The following PKNOX2 variants were observed in gnomAD, a reference collection of about 807,000 sequenced individuals.
PKNOX2 encodes homeobox protein PKNOX2.
In PKNOX2, 14 loss-of-function variants were observed where a neutral mutation model predicts 53.1. That is an observed-to-expected ratio of 0.26 (90% CI 0.17 to 0.41). PKNOX2 has a LOEUF of 0.41. Among genes scored for constraint, PKNOX2 ranks in the 10% least tolerant of loss-of-function variants. PKNOX2 has a pLI of 1.00. For missense variants in PKNOX2, 496 were observed against 602.8 expected, an observed-to-expected ratio of 0.82 and a Z score of 1.85; for synonymous variants, 257 against 242.8, an observed-to-expected ratio of 1.06 and a Z score of -0.54.
intron 2 of PKNOX2, among the ~76,000 whole-genome samples, chr11:125,243,643 G>T (rs1268551185): frequency 6.9e-6 from 1 of 144,934 alleles, no homozygotes; most frequent in Non-Finnish European, 1.5e-5. Context: ...TTTTTTTTGA[G>T]ATAGGGTCTC....
chr11:125,367,050 T>G (rs2136274080), intron 4 of PKNOX2, among the ~76,000 whole-genome samples: 1 of 152,276 alleles, frequency 6.6e-6, no homozygotes, highest in Non-Finnish European at 1.5e-5. Flanking sequence ...ATTCACACTT[T>G]TAGAGATTTC....
intron 1 of PKNOX2, among the ~76,000 whole-genome samples, chr11:125,180,433 T>A (rs1591471331): frequency 6.6e-6 from 1 of 152,196 alleles, no homozygotes; most frequent in African/African-American, 2.4e-5. Context: ...ATGTGTCAGG[T>A]TCATTCAAAG....
rs1956622791 is a variant in PKNOX2 at position 125,430,065 on chromosome 11, C to T, written c.1116C>T (p.Thr372=). The change falls in exon 12 of 13, where the codon ACC becomes ACT. Residue 372 remains threonine (T), a synonymous_variant. Coordinates refer to ENST00000298282, the MANE Select transcript of PKNOX2 (RefSeq NM_001382323.2). ...AGATCAAGTCTCAGCACCGGCCCAC[C>T]CAAAGATTCTGGCCCAACTCCATCG... ...AKKIKSQHRP[T]QRFWPNSIAA... The T allele has an allele frequency of 6.2e-7, 1 of 1,614,178 alleles. No homozygotes were observed. The highest frequency in any genetic ancestry group is 8.5e-7 in the Non-Finnish European group (1 of 1,180,034).
At chr11:125,316,434 A>G (rs1418565892) in intron 2 of PKNOX2, among the ~76,000 whole-genome samples, 1 of 152,224 alleles carries the variant, frequency 6.6e-6, no homozygotes, top group African/African-American at 2.4e-5. Flanking sequence ...GCATCGAGAA[A>G]TGATCAGAGG....
chr11:125,324,553 A>G lies in PKNOX2; in HGVS notation c.-129-7266A>G, dbSNP rs142830902. The stretch of plus-strand genomic sequence containing the variant: ...AGTGGGGTGGCAGAGTAGTACCCAG[A>G]CGATCACAATGTGGCTGGCTAAGTG... On this transcript the variant is annotated intron_variant, in intron 2 of 12. Transcript: ENST00000298282. 2.7e-3 allele frequency among the ~76,000 whole-genome samples: 407 copies of G among 152,282 alleles called. 4 individuals carry two copies. Among genetic ancestry groups the G allele is most frequent in the African/African-American group, 9.5e-3 (394 of 41,546 alleles).
At chr11:125,271,118 A>T (rs1040167212) in intron 2 of PKNOX2, among the ~76,000 whole-genome samples, 6 of 152,014 alleles carry the variant, frequency 3.9e-5, no homozygotes, top group African/African-American at 1.4e-4. Context: ...GAATGATTTC[A>T]CAGTTCCCTG....
intron 10 of PKNOX2, among the ~76,000 whole-genome samples, chr11:125,427,672 G>A (rs560966196): frequency 5.3e-4 from 81 of 152,188 alleles, no homozygotes; most frequent in Admixed American, 1.5e-3. Context: ...CTCCCATCTC[G>A]GGGACCTTAG....
At chr11:125,176,529 G>A (rs1352704006) in intron 1 of PKNOX2, among the ~76,000 whole-genome samples, 7 of 152,186 alleles carry the variant, frequency 4.6e-5, no homozygotes, top group Admixed American at 4.6e-4. Context: ...GACCTACTGT[G>A]GGGGTCTGGG....
chr11:125,330,211 T>TG (rs1950057716), intron 2 of PKNOX2: 1 of 152,168 alleles, frequency 6.6e-6, no homozygotes, highest in Non-Finnish European at 1.5e-5. Context: ...GGGATAGTGA[T>TG]GGGGGAGTGA....
At chr11:125,171,411 T>C (rs576483263) in intron 1 of PKNOX2, among the ~76,000 whole-genome samples, 17 of 152,330 alleles carry the variant, frequency 1.1e-4, no homozygotes, top group Non-Finnish European at 2.2e-4. Context: ...ATGGGCTTTA[T>C]TTAGCATCAG....
chr11:125,384,648 G>A (rs1282152051), intron 5 of PKNOX2, among the ~76,000 whole-genome samples: 7 of 152,156 alleles, frequency 4.6e-5, no homozygotes, highest in Non-Finnish European at 7.3e-5. Flanking sequence ...TCAAGCCACT[G>A]CACTCCAGCC....
chr11:125,366,831 A>G (rs1952215039), intron 4 of PKNOX2, among the ~76,000 whole-genome samples: 1 of 152,274 alleles, frequency 6.6e-6, no homozygotes, highest in African/African-American at 2.4e-5. Flanking sequence ...TAATTCATTT[A>G]TTCACTCACT....
intron 3 of PKNOX2, among the ~76,000 whole-genome samples, chr11:125,334,442 C>T (rs865867474): frequency 7.2e-5 from 11 of 152,286 alleles, no homozygotes; most frequent in Middle Eastern, 3.4e-3. Context: ...ATCTCCTCTT[C>T]TCAGTTGGTG....
chr11:125,387,860 T>G (rs1715562073), intron 6 of PKNOX2, among the ~76,000 whole-genome samples: 1 of 152,158 alleles, frequency 6.6e-6, no homozygotes, highest in South Asian at 2.1e-4. Flanking sequence ...GAGTGCTATC[T>G]GAGCCTCACC....
chr11:125,336,439 A>G (rs1372840169), intron 3 of PKNOX2, among the ~76,000 whole-genome samples: 1 of 151,482 alleles, frequency 6.6e-6, no homozygotes, highest in African/African-American at 2.4e-5. Flanking sequence ...ATAAGTTTTT[A>G]TCAAATTACA....
intron 1 of PKNOX2, among the ~76,000 whole-genome samples, chr11:125,213,548 C>G (rs1185032592): frequency 6.6e-6 from 1 of 152,068 alleles, no homozygotes; most frequent in Non-Finnish European, 1.5e-5. Flanking sequence ...GTCTCTGCCC[C>G]CTAGGCTCAC....
rs936879741 is a variant in PKNOX2 at position 125,407,801 on chromosome 11, A to G, written c.589-2395A>G. On this transcript the variant is annotated intron_variant, in intron 7 of 12. Coordinates refer to ENST00000298282, the MANE Select transcript of PKNOX2 (RefSeq NM_001382323.2). ...CGAGTTTGCTTCAGCTTCAAATATA[A>G]TATCAGCACGGTTTACACACCATGA... Among the ~76,000 whole-genome samples, 5 of 152,188 alleles carry G rather than the reference A, an allele frequency of 3.3e-5. No homozygotes were observed. In the South Asian group the frequency reaches 1.0e-3, roughly 31 times the overall value.
At chr11:125,318,532 G>A (rs927803287) in intron 2 of PKNOX2, among the ~76,000 whole-genome samples, 2 of 152,122 alleles carry the variant, frequency 1.3e-5, no homozygotes, top group African/African-American at 4.8e-5. Context: ...TGTTTGGTTT[G>A]ATCTTCTATC....
intron 3 of PKNOX2, 84 bp from the exon 4 acceptor site, chr11:125,351,200 C>T: frequency 5.5e-6 from 4 of 732,946 alleles, no homozygotes; most frequent in African/African-American, 1.7e-5. Flanking sequence ...GGTGGCCCAG[C>T]GGGGGACACA....
Sources: allele counts gnomAD v4.1 joint callset (sites outside exome capture counted in the v4.1 genomes callset), GRCh38; gene constraint gnomAD v4.1.1; transcripts MANE v1.5; gene names NCBI Gene and HGNC (gene_info 2026-07-23, HGNC 2026-07-21).